Variants in PAM observed in about 807,000 individuals in gnomAD.
PAM encodes peptidylglycine alpha-amidating monooxygenase.
In PAM, 72 loss-of-function variants were observed where a neutral mutation model predicts 122.1. The ratio of observed to expected loss-of-function variants is 0.59; its 90% CI spans 0.49 to 0.72. PAM has a LOEUF of 0.72. PAM is among the 30% of genes least tolerant of loss of function. PAM has a pLI of 0.00. For synonymous variants in PAM, 389 were observed against 404.4 expected (o/e 0.96, Z 0.46); for missense variants, 1,106 against 1,183.7 (o/e 0.93, Z 0.96).
chr5:102,970,510 C>G (rs952544298), intron 14 of PAM, among the ~76,000 whole-genome samples: 4 of 152,046 alleles, frequency 2.6e-5, no homozygotes, highest in Non-Finnish European at 5.9e-5. Context: ...AACTCAAGCC[C>G]TAAGTGAGTG....
intron 22 of PAM, among the ~76,000 whole-genome samples, chr5:103,018,622 GA>G (rs756161077): frequency 1.3e-5 from 2 of 152,140 alleles, no homozygotes; most frequent in African/African-American, 2.4e-5. Context: ...GGCAAAGATA[GA>G]TGGATAACCC....
At chr5:102,824,360 T>C (rs1211976610) in intron 1 of PAM, among the ~76,000 whole-genome samples, 2 of 152,208 alleles carry the variant, frequency 1.3e-5, no homozygotes, top group Non-Finnish European at 2.9e-5. Context: ...TTTTATGAAA[T>C]CAGCCAAAAC....
chr5:102,905,152 AAT>A (rs1247587218), intron 4 of PAM, among the ~76,000 whole-genome samples: 4 of 151,780 alleles, frequency 2.6e-5, no homozygotes, highest in African/African-American at 9.6e-5. Context: ...AAAGTATAAT[AAT>A]ATCTGCATTT....
chr5:103,013,490 T>A (rs1167604614), intron 21 of PAM, among the ~76,000 whole-genome samples: 2 of 152,184 alleles, frequency 1.3e-5, no homozygotes, highest in Admixed American at 1.3e-4. Context: ...AATATCAGAT[T>A]ATATAATCTG....
intron 16 of PAM, among the ~76,000 whole-genome samples, chr5:102,994,113 A>G (rs2150863159): frequency 6.6e-6 from 1 of 152,286 alleles, no homozygotes; most frequent in African/African-American, 2.4e-5. Flanking sequence ...GCAAGTGTCC[A>G]TCAAAGAGCT....
At position 102,866,091 on chromosome 5, in the gene PAM, G is replaced by C. The variant is rs923240857; in HGVS notation, c.-105G>C. ...CCGCCGCAGGACGCCCGCCGTGCCC[G>C]GGCCATGAAGTAGCGGCTGCTGGCG... On this transcript the variant is annotated 5_prime_UTR_variant, in exon 2 of 26. Coordinates refer to ENST00000438793, the MANE Select transcript of PAM (RefSeq NM_001177306.2). The C allele has an allele frequency of 7.9e-6, 5 of 629,182 alleles. No individual in the cohort carries two copies. Among genetic ancestry groups the C allele is most frequent in the Non-Finnish European group, 1.3e-5 (5 of 379,266 alleles). 39.0% of individuals were successfully genotyped at this position (629,182 alleles called of 1,614,324 possible).
At position 102,955,043 on chromosome 5, in the gene PAM, A is replaced by G. The variant is rs112620563; in HGVS notation, c.905+4223A>G. The stretch of plus-strand genomic sequence containing the variant: ...TTTAAGAAATGATTAACAGTTTTGT[A>G]AAATGACTTCTTTGAAGTTTTTATA... On this transcript the variant is annotated intron_variant, in intron 12 of 25. Coordinates refer to ENST00000438793, the MANE Select transcript of PAM (RefSeq NM_001177306.2). 6.0e-3 allele frequency among the ~76,000 whole-genome samples: 908 copies of G among 152,258 alleles called. 6 individuals are homozygous for G. Among genetic ancestry groups the G allele is most frequent in the African/African-American group, 0.021 (867 of 41,576 alleles).
chr5:102,820,504 A>T (rs1156824831), intron 1 of PAM, among the ~76,000 whole-genome samples: 1 of 152,196 alleles, frequency 6.6e-6, no homozygotes, highest in Non-Finnish European at 1.5e-5. Context: ...GTTGATAATT[A>T]TGTAGAAAAA....
At position 103,017,409 on chromosome 5, in the gene PAM, G is replaced by A. The variant is rs190523734; in HGVS notation, c.2407G>A (p.Val803Met). 6.7e-5 allele frequency: 107 copies of A among 1,603,850 alleles called. 1 individual carries two copies. The East Asian group carries it at 1.3e-3, about 19-fold the overall frequency. Residue 803 changes from valine (V) to methionine (M), a missense_variant, in exon 22 of 26, where the codon GTG (valine) becomes ATG (methionine). Physicochemically the swap from Val to Met is conservative, Grantham distance 21. Around this residue, in one of 3 missense-constraint regions of PAM, gnomAD observed 333 missense variants for 335.6 expected, o/e 0.99. Coordinates refer to ENST00000438793, the MANE Select transcript of PAM (RefSeq NM_001177306.2). Reference protein sequence around the residue: ...VYIGDAHTNTVWKFTLTEKLE... With the variant: ...VYIGDAHTNTMWKFTLTEKLE... ...CATTGGAGATGCTCATACCAACACC[G>A]TGTGGAAGTTCACCTTGACTGAGAG...
chr5:102,760,926 G>A lies in PAM; in HGVS notation c.-374+5578G>A, dbSNP rs546971988. Reference sequence around the variant, plus strand: ...AACAGAAGTTCTACATATAAACAGCGTTACTCAAATCATGTGTGATTGTGA... The same window carrying A: ...AACAGAAGTTCTACATATAAACAGCATTACTCAAATCATGTGTGATTGTGA... On this transcript the variant is annotated intron_variant, in intron 1 of 25. Coordinates refer to ENST00000438793, the MANE Select transcript of PAM (RefSeq NM_001177306.2). Among the ~76,000 whole-genome samples the A allele has an allele frequency of 5.3e-5, 8 of 152,310 alleles. No homozygotes were observed. The East Asian group carries it at 7.7e-4, about 15-fold the overall frequency.
intron 14 of PAM, among the ~76,000 whole-genome samples, chr5:102,972,664 A>T (rs1009976008): frequency 6.6e-6 from 1 of 152,228 alleles, no homozygotes; most frequent in Non-Finnish European, 1.5e-5. Context: ...TTGTACAAGC[A>T]TATGAAACTA....
chr5:102,924,433 CAA>C (rs989089756), intron 5 of PAM, among the ~76,000 whole-genome samples: 9 of 52,198 alleles, frequency 1.7e-4, no homozygotes, highest in African/African-American at 1.2e-4. Flanking sequence ...AACTCCGTCT[CAA>C]AAAAAAAAAA....
In PAM at chr5:103,007,533, A is replaced by G; in HGVS notation, c.2091A>G (p.Gln697=). 6.2e-7 allele frequency: 1 copy of G among 1,614,084 alleles called. No individual in the cohort carries two copies. The highest frequency in any genetic ancestry group is 8.5e-7 in the Non-Finnish European group (1 of 1,179,994). ...HSLALVPLLG[Q]LCVADRENGR... ...TGGCTCTTGTGCCTCTTTTGGGCCA[A>G]TTATGTGTGGCAGACCGGGAAAATG... is the stretch of plus-strand genomic sequence containing the variant. Residue 697 remains glutamine, a synonymous_variant, in exon 20 of 26, where the codon CAA becomes CAG. Transcript: ENST00000438793.
chr5:102,913,236 AT>A (rs1801980853), intron 4 of PAM, among the ~76,000 whole-genome samples: 1 of 151,914 alleles, frequency 6.6e-6, no homozygotes, highest in African/African-American at 2.4e-5. Flanking sequence ...TATATTTTTA[AT>A]TTTTTCTCTT....
chr5:102,889,532 A>T (rs1794140037), intron 3 of PAM, among the ~76,000 whole-genome samples: 2 of 151,576 alleles, frequency 1.3e-5, no homozygotes, highest in South Asian at 4.2e-4. Context: ...TTCCTTGGTT[A>T]AATTCTTCTG....
In PAM at chr5:102,986,357, T is replaced by C. The variant is rs1355018021; in HGVS notation, c.1484-3915T>C. ...AACCTTAAGACTTCTCCAAGAAAAGTCTTAGAACTTATAAAGTAATTCAGT... is the reference window on the plus strand; with the variant it reads ...AACCTTAAGACTTCTCCAAGAAAAGCCTTAGAACTTATAAAGTAATTCAGT... On this transcript the variant is annotated intron_variant, in intron 15 of 25. Transcript: ENST00000438793. Among the ~76,000 whole-genome samples the C allele has an allele frequency of 2.6e-5, 4 of 152,264 alleles. No individual in the cohort carries two copies. The East Asian group carries it at 7.7e-4, about 29-fold the overall frequency.
At chr5:102,825,677 T>C (rs1773389937) in intron 1 of PAM, among the ~76,000 whole-genome samples, 1 of 152,242 alleles carries the variant, frequency 6.6e-6, no homozygotes, top group East Asian at 1.9e-4. Flanking sequence ...ATAGTGAGAT[T>C]CTATCCGTAC....
At position 102,949,884 on chromosome 5, in the gene PAM, A is replaced by C; in HGVS notation, c.725-18A>C. ...ATACCTTATTATATTAAATGATTAA[A>C]ATTTGTGTTTATTACAGGTAAGGTA... On this transcript the variant is annotated intron_variant, in intron 10 of 25. Transcript: ENST00000438793. 7.6e-7 allele frequency: 1 copy of C among 1,316,576 alleles called. No individual in the cohort carries two copies. The highest frequency in any genetic ancestry group is 1.1e-6 in the Non-Finnish European group (1 of 917,286). 81.6% of individuals were successfully genotyped at this position (1,316,576 alleles called of 1,614,324 possible).
intron 7 of PAM, among the ~76,000 whole-genome samples, chr5:102,931,912 G>C (rs919824551): frequency 5.3e-5 from 8 of 151,798 alleles, no homozygotes; most frequent in African/African-American, 1.9e-4. Flanking sequence ...TATGTTCCTG[G>C]AAGTATAGCC....
Sources: gnomAD v4.1 joint callset for allele counts (sites outside exome capture counted in the v4.1 genomes callset) on GRCh38, gnomAD v4.1.1 for gene constraint, gnomAD v4.1.1 regional missense constraint, MANE v1.5 for transcripts, NCBI Gene and HGNC (gene_info 2026-07-23, HGNC 2026-07-21) for gene names.